The following ARID1B variants were observed in gnomAD, a reference collection of about 807,000 sequenced individuals.
ARID1B encodes the protein AT-rich interactive domain-containing protein 1B.
A neutral mutation model predicts 212.3 loss-of-function variants in ARID1B; 30 were observed. The ratio of observed to expected loss-of-function variants is 0.14; its 90% CI spans 0.11 to 0.19. The LOEUF (loss-of-function observed/expected upper bound fraction) is 0.19, where lower values mean the gene tolerates loss of function less well. ARID1B is among the 10% of genes least tolerant of loss of function. ARID1B has a pLI of 1.00. For synonymous variants in ARID1B, 1,402 were observed against 1,301.7 expected (o/e 1.08, Z -1.66); for missense variants, 2,891 against 3,204.0 (o/e 0.90, Z 2.36).
chr6:156,790,729 CG>C (rs1423653992), intron 1 of ARID1B, among the ~76,000 whole-genome samples: 6 of 152,160 alleles, frequency 3.9e-5, no homozygotes, highest in Non-Finnish European at 8.8e-5. Flanking sequence ...TTCAGGAAGG[CG>C]CCATGCATAC....
At chr6:157,117,414 T>G (rs1787390215) in intron 6 of ARID1B, among the ~76,000 whole-genome samples, 1 of 152,238 alleles carries the variant, frequency 6.6e-6, no homozygotes. Context: ...AAAGTCTGAG[T>G]AGAATTCCTT....
chr6:156,780,698 C>G (rs1779195444), intron 1 of ARID1B, among the ~76,000 whole-genome samples: 1 of 152,170 alleles, frequency 6.6e-6, no homozygotes, highest in Non-Finnish European at 1.5e-5. Context: ...AAAGCTGAAA[C>G]TATTATGAAT....
rs1180475935 is a variant in ARID1B, at chr6:157,206,785, T to C, written c.6013T>C (p.Ser2005Pro). 1 of 1,613,866 alleles carries C rather than the reference T, an allele frequency of 6.2e-7. No homozygotes were observed. Among genetic ancestry groups the C allele is most frequent in the Non-Finnish European group, 8.5e-7 (1 of 1,180,028 alleles). The change falls in exon 20 of 20, where the codon TCT becomes CCT. Residue 2005 changes from serine (S) to proline (P), a missense_variant. Transcript: ENST00000636930. This position sits in a 1 kb window ranked among gnomAD's most constrained non-coding sequence, Gnocchi z 6.8. Reference sequence around the variant, plus strand: ...CATAGCAACCATCGATGACGTCCTCTCTGCTCGGCCAGGGGCATTGCCTGA... The same window carrying C: ...CATAGCAACCATCGATGACGTCCTCCCTGCTCGGCCAGGGGCATTGCCTGA... ...SIIATIDDVL[S>P]ARPGALPEDA...
At chr6:157,176,827 CA>C (rs1206454949) in intron 11 of ARID1B, among the ~76,000 whole-genome samples, 5 of 152,186 alleles carry the variant, frequency 3.3e-5, no homozygotes, top group Non-Finnish European at 5.9e-5. Flanking sequence ...GCCTGGGCGA[CA>C]GAGTGAGACT....
At chr6:156,898,127 C>T (rs1010900170) in intron 2 of ARID1B, among the ~76,000 whole-genome samples, 19 of 152,134 alleles carry the variant, frequency 1.2e-4, no homozygotes, top group African/African-American at 4.3e-4. Flanking sequence ...GCCCGAGCTA[C>T]CAGTGCTCTA....
intron 4 of ARID1B, among the ~76,000 whole-genome samples, chr6:157,001,517 C>T (rs887264651): frequency 2.9e-4 from 44 of 152,200 alleles, no homozygotes; most frequent in African/African-American, 1.0e-3. Context: ...GAAGCAGCTA[C>T]TTCATGGTCT....
chr6:157,048,122 C>T (rs1448583117), intron 4 of ARID1B, among the ~76,000 whole-genome samples: 3 of 152,136 alleles, frequency 2.0e-5, no homozygotes, highest in African/African-American at 7.2e-5. Flanking sequence ...TTAAATTTGG[C>T]TTCTTCCCAA....
intron 2 of ARID1B, among the ~76,000 whole-genome samples, chr6:156,850,449 T>C (rs1562433993): frequency 6.6e-6 from 1 of 152,216 alleles, no homozygotes; most frequent in African/African-American, 2.4e-5. Flanking sequence ...ATTCCTAATT[T>C]TGTAGGCTAT....
chr6:157,124,379 A>G (rs1359752760), intron 6 of ARID1B, among the ~76,000 whole-genome samples: 2 of 152,226 alleles, frequency 1.3e-5, no homozygotes, highest in Non-Finnish European at 1.5e-5. Flanking sequence ...TGCACAAAAA[A>G]CAATAGCAGT....
chr6:157,115,766 T>G (rs1465396121), intron 6 of ARID1B, among the ~76,000 whole-genome samples: 1 of 152,162 alleles, frequency 6.6e-6, no homozygotes, highest in East Asian at 1.9e-4. Flanking sequence ...TAGTTCAGAT[T>G]TTTTGGCCTT....
chr6:157,084,529 T>A, intron 4 of ARID1B, 133 bp from the exon 5 acceptor site: 1 of 1,158,266 alleles, frequency 8.6e-7, no homozygotes, highest in Non-Finnish European at 1.2e-6. Flanking sequence ...AAAGTGGCCA[T>A]GCTTTTTTAT....
At position 157,206,137 on chromosome 6, in the gene ARID1B, T is replaced by G; in HGVS notation, c.5395-30T>G. The G allele has an allele frequency of 6.2e-7, 1 of 1,607,258 alleles. No individual in the cohort carries two copies. The highest frequency in any genetic ancestry group is 1.1e-5 in the South Asian group (1 of 89,476). On this transcript the variant is annotated intron_variant, in intron 19 of 19. Transcript: ENST00000636930. This position sits in a 1 kb window ranked among gnomAD's most constrained non-coding sequence, Gnocchi z 6.8. ...TGATGTCATGACATTGTACCTGTTCTTTCTTTCTTCTCCTCCTCCTCCTCT... is the reference window on the plus strand; with the variant it reads ...TGATGTCATGACATTGTACCTGTTCGTTCTTTCTTCTCCTCCTCCTCCTCT...
rs778702667 is a variant in ARID1B at position 157,133,068 on chromosome 6, G to T, written c.2622G>T (p.Gln874His). 6.8e-6 allele frequency: 11 copies of T among 1,613,550 alleles called. No individual in the cohort carries two copies. The highest frequency in any genetic ancestry group is 9.3e-6 in the Non-Finnish European group (11 of 1,179,914). The change falls in exon 7 of 20, where the codon CAG becomes CAT. Residue 874 changes from glutamine (Q) to histidine (H), a missense_variant. By Grantham distance (24) the Gln-to-His change is conservative (BLOSUM62 0). This residue lies in a region of ARID1B where 1,643 missense variants were observed against 1,544.0 expected (regional missense o/e 1.06). Transcript: ENST00000636930. ...CACAAAGAAACCCTCAGATGGCTCA[G>T]TATGGACCTCAACAGACAGGACCAT... is the stretch of plus-strand genomic sequence containing the variant. ...AGTQRNPQMAQYGPQQTGPSM... is the reference protein window; with the variant it reads ...AGTQRNPQMAHYGPQQTGPSM...
chr6:157,004,185 C>A (rs1007636581), intron 4 of ARID1B, among the ~76,000 whole-genome samples: 40 of 152,128 alleles, frequency 2.6e-4, no homozygotes, highest in Admixed American at 2.6e-3. Flanking sequence ...CAGGTGTGAG[C>A]CTTTTATCTC....
intron 3 of ARID1B, among the ~76,000 whole-genome samples, chr6:156,915,872 G>C (rs1472240231): frequency 6.6e-6 from 1 of 151,584 alleles, no homozygotes; most frequent in African/African-American, 2.4e-5. Flanking sequence ...CTCCAGTCTG[G>C]GTGGACACAG....
At position 157,206,046 on chromosome 6, in the gene ARID1B, C is replaced by G. The variant is rs560868031; in HGVS notation, c.5395-121C>G. ...TTCATGGTCCAGCCAAAAAGGGAGA[C>G]AAACGTGTGACAATGATGGAAAGGT... is the stretch of plus-strand genomic sequence containing the variant. On this transcript the variant is annotated intron_variant, in intron 19 of 19. Coordinates refer to ENST00000636930, the MANE Select transcript of ARID1B (RefSeq NM_001374828.1). The surrounding 1 kb of genome is among the most constrained non-coding windows in gnomAD (Gnocchi z 6.8). 1.8e-6 allele frequency: 2 copies of G among 1,142,022 alleles called. No individual in the cohort carries two copies. Among genetic ancestry groups the G allele is most frequent in the East Asian group, 4.7e-5 (2 of 42,462 alleles). The allele number at this position is 1,142,022 out of a possible 1,614,324, so 70.7% of individuals were successfully genotyped here. A position where few individuals can be genotyped will look rare whatever the true frequency, so the allele number is the denominator to read the frequency against.
intron 1 of ARID1B, among the ~76,000 whole-genome samples, chr6:156,805,645 GA>G (rs1011529109): frequency 6.6e-6 from 1 of 151,838 alleles, no homozygotes; most frequent in African/African-American, 2.4e-5. Flanking sequence ...ATACACGGAA[GA>G]AAAAATAGGA....
intron 4 of ARID1B, among the ~76,000 whole-genome samples, chr6:157,041,681 C>G (rs1283357363): frequency 6.6e-6 from 1 of 152,172 alleles, no homozygotes; most frequent in Non-Finnish European, 1.5e-5. Flanking sequence ...CTAGAACTTG[C>G]TCAAGTTCAC....
At chr6:156,857,588 G>GC in intron 2 of ARID1B, among the ~76,000 whole-genome samples, 2 of 152,336 alleles carry the variant, frequency 1.3e-5, no homozygotes, top group Middle Eastern at 3.4e-3. Context: ...CAAGGTGCTG[G>GC]CCACCTACTC....
Sources: gnomAD v4.1 joint callset for allele counts (sites outside exome capture counted in the v4.1 genomes callset) on GRCh38, gnomAD v4.1.1 for gene constraint, gnomAD v4.1.1 regional missense constraint, Gnocchi (gnomAD v3.1) non-coding constraint, MANE v1.5 for transcripts, NCBI Gene and HGNC (gene_info 2026-07-23, HGNC 2026-07-21) for gene names.